Variants in SRGAP3 observed in about 807,000 individuals in gnomAD.
The protein encoded by SRGAP3 is SLIT-ROBO Rho GTPase-activating protein 3.
A neutral mutation model predicts 121.1 loss-of-function variants in SRGAP3; 39 were observed. That is an observed-to-expected ratio of 0.32 (90% confidence interval 0.25 to 0.42). The LOEUF (loss-of-function observed/expected upper bound fraction) is 0.42, where lower values mean the gene tolerates loss of function less well. Among genes scored for constraint, SRGAP3 ranks in the 10% least tolerant of loss-of-function variants. SRGAP3 has a pLI of 1.00. For missense variants in SRGAP3, 1,213 were observed against 1,470.6 expected (o/e 0.82, Z 2.86); for synonymous variants, 601 against 570.0 (o/e 1.05, Z -0.77).
intron 9 of SRGAP3, 136 bp from the exon 10 acceptor site, chr3:9,047,611 G>C (rs960014465): frequency 2.9e-5 from 23 of 806,316 alleles, no homozygotes; most frequent in Non-Finnish European, 4.6e-5. Flanking sequence ...GCAGGGAACA[G>C]AGAGGCCTCT....
chr3:9,248,391 C>A (rs966412095), intron 1 of SRGAP3, among the ~76,000 whole-genome samples: 1 of 152,158 alleles, frequency 6.6e-6, no homozygotes, highest in Non-Finnish European at 1.5e-5. Flanking sequence ...GATGCTGCCT[C>A]GCTGTGCACA....
chr3:9,058,163 C>G, intron 7 of SRGAP3, 88 bp downstream of exon 7: 1 of 1,439,028 alleles, frequency 6.9e-7, no homozygotes, highest in Non-Finnish European at 9.8e-7. Flanking sequence ...TAGAAACTTT[C>G]TGTACGTGCA....
At chr3:9,332,700 A>C (rs967749438) in intron 1 of SRGAP3, among the ~76,000 whole-genome samples, 1 of 152,222 alleles carries the variant, frequency 6.6e-6, no homozygotes, top group Non-Finnish European at 1.5e-5. Context: ...TGCTTTTAAA[A>C]ACACATTAGG....
intron 1 of SRGAP3, among the ~76,000 whole-genome samples, chr3:9,236,676 C>T (rs1290562074): frequency 2.6e-5 from 4 of 151,994 alleles, no homozygotes; most frequent in African/African-American, 9.7e-5. Flanking sequence ...CTCCCCAGAA[C>T]CCAAGTAGAT....
intron 1 of SRGAP3, among the ~76,000 whole-genome samples, chr3:9,176,447 A>C (rs1951184247): frequency 6.6e-6 from 1 of 152,244 alleles, no homozygotes; most frequent in African/African-American, 2.4e-5. Context: ...CAAAAGGAGC[A>C]CAGATTAGAC....
intron 3 of SRGAP3, among the ~76,000 whole-genome samples, chr3:9,098,950 G>A (rs1165078221): frequency 2.0e-5 from 3 of 152,044 alleles, no homozygotes. Context: ...CTCATCCCTT[G>A]GCAGGGTGCC....
At chr3:9,110,542 C>T (rs562349999) in intron 2 of SRGAP3, among the ~76,000 whole-genome samples, 1 of 152,356 alleles carries the variant, frequency 6.6e-6, no homozygotes, top group African/African-American at 2.4e-5. Context: ...GGCCAAGCCG[C>T]GGTGGCGCCT....
rs1016236958 is a variant in SRGAP3 at position 8,990,981 on chromosome 3, C to T, written c.2559-142G>A. 1.6e-5 allele frequency: 11 copies of T among 697,386 alleles called. No individual in the cohort carries two copies. The African/African-American group carries it at 1.8e-4, about 11-fold the overall frequency. 43.2% of individuals were successfully genotyped at this position (697,386 alleles called of 1,614,324 possible). On this transcript the variant is annotated intron_variant, in intron 20 of 21. Transcript: ENST00000383836. ...TAAAGCCTCATTCAGCCAGACCCTACAATTCCATAATGAAAGAGCTGGCTC... is the reference window on the plus strand; with the variant it reads ...TAAAGCCTCATTCAGCCAGACCCTATAATTCCATAATGAAAGAGCTGGCTC...
rs1386317579 is a variant in SRGAP3 at position 8,981,255 on chromosome 3, T to C, written c.*4264A>G. The C allele has an allele frequency of 8.6e-6, 2 of 232,736 alleles. No homozygotes were observed. Among genetic ancestry groups the C allele is most frequent in the Non-Finnish European group, 1.7e-5 (2 of 117,892 alleles). The allele number at this position is 232,736 out of a possible 1,614,324, so 14.4% of individuals were successfully genotyped here. A position where few individuals can be genotyped will look rare whatever the true frequency, so the allele number is the denominator to read the frequency against. On this transcript the variant is annotated 3_prime_UTR_variant, in exon 22 of 22. Coordinates refer to ENST00000383836, the MANE Select transcript of SRGAP3 (RefSeq NM_014850.4). ...GAGAACCGGGGAAGTTGACATGAAA[T>C]GTCAGCATTAGCTCTGCACAGCAGA...
chr3:9,147,419 C>A (rs1575144119), intron 1 of SRGAP3, among the ~76,000 whole-genome samples: 1 of 152,106 alleles, frequency 6.6e-6, no homozygotes, highest in African/African-American at 2.4e-5. Context: ...TGACCACAAA[C>A]CTACAGCAGC....
chr3:9,096,968 T>C (rs1447811331), intron 3 of SRGAP3, among the ~76,000 whole-genome samples: 9 of 95,256 alleles, frequency 9.4e-5, no homozygotes, highest in African/African-American at 4.2e-4. Context: ...TATATATATA[T>C]ATATATATAT....
intron 7 of SRGAP3, 140 bp downstream of exon 7, chr3:9,058,111 T>C (rs770216356): frequency 1.1e-5 from 10 of 884,462 alleles, no homozygotes; most frequent in African/African-American, 1.6e-5. Context: ...ACTCCTCAGC[T>C]GGGGAAGCCC....
At chr3:9,309,539 T>G (rs1161892683) in intron 3 of SRGAP3, among the ~76,000 whole-genome samples, 2 of 152,156 alleles carry the variant, frequency 1.3e-5, no homozygotes, top group Non-Finnish European at 2.9e-5. Flanking sequence ...TCAATGTCAT[T>G]CACCTAAATT....
At chr3:9,081,831 AT>A (rs1186969413) in intron 3 of SRGAP3, among the ~76,000 whole-genome samples, 9 of 152,194 alleles carry the variant, frequency 5.9e-5, no homozygotes, top group African/African-American at 2.2e-4. Context: ...TTTGGTAAAT[AT>A]TCTCTGCTAT....
chr3:9,030,352 C>G (rs1335929410), intron 12 of SRGAP3, among the ~76,000 whole-genome samples: 1 of 152,216 alleles, frequency 6.6e-6, no homozygotes, highest in African/African-American at 2.4e-5. Flanking sequence ...GCCAGTGGAA[C>G]AGCCCCACTG....
At chr3:9,015,336 C>G (rs1017643315) in intron 15 of SRGAP3, among the ~76,000 whole-genome samples, 1 of 152,200 alleles carries the variant, frequency 6.6e-6, no homozygotes, top group African/African-American at 2.4e-5. Context: ...TCCCAGCACT[C>G]TCTCTTGGCT....
At chr3:9,314,589 T>G (rs1460493093) in intron 3 of SRGAP3, among the ~76,000 whole-genome samples, 2 of 152,024 alleles carry the variant, frequency 1.3e-5, no homozygotes, top group Non-Finnish European at 2.9e-5. Flanking sequence ...TAATACTGGG[T>G]GAGTTTTTTG....
At chr3:9,179,682 C>T (rs1951308614) in intron 1 of SRGAP3, among the ~76,000 whole-genome samples, 1 of 152,216 alleles carries the variant, frequency 6.6e-6, no homozygotes, top group Admixed American at 6.5e-5. Flanking sequence ...TCTTCCAGGC[C>T]TCTGTCACAA....
intron 3 of SRGAP3, among the ~76,000 whole-genome samples, chr3:9,100,002 G>A (rs1948153116): frequency 6.6e-6 from 1 of 152,254 alleles, no homozygotes; most frequent in African/African-American, 2.4e-5. Context: ...GCTACCGCTA[G>A]CTGATGCCAC....
Sources: gnomAD v4.1 joint callset for allele counts (sites outside exome capture counted in the v4.1 genomes callset) on GRCh38, gnomAD v4.1.1 for gene constraint, MANE v1.5 for transcripts, NCBI Gene and HGNC (gene_info 2026-07-23, HGNC 2026-07-21) for gene names.